SAMD12: variants seen among roughly 807,000 people sequenced by gnomAD.
SAMD12 encodes sterile alpha motif domain-containing protein 12.
A neutral mutation model predicts 15.0 loss-of-function variants in SAMD12; 9 were observed. The ratio of observed to expected loss-of-function variants is 0.60; its 90% CI spans 0.36 to 1.05. The LOEUF is 1.05. Among genes scored for constraint, SAMD12 ranks in the 50% least tolerant of loss-of-function variants. The pLI is 0.01. For missense variants in SAMD12, 230 were observed against 234.2 expected (o/e 0.98, Z 0.12); for synonymous variants, 86 against 90.1 (o/e 0.96, Z 0.25).
chr8:118,324,653 G>C (rs1816475487), intron 4 of SAMD12, among the ~76,000 whole-genome samples: 1 of 152,200 alleles, frequency 6.6e-6, no homozygotes, highest in Non-Finnish European at 1.5e-5. Context: ...TGTGGAGGAA[G>C]TGAGACCTGA....
At chr8:118,263,700 G>T (rs1415355378) in intron 4 of SAMD12, among the ~76,000 whole-genome samples, 1 of 152,078 alleles carries the variant, frequency 6.6e-6, no homozygotes, top group Non-Finnish European at 1.5e-5. Flanking sequence ...CATGAGAGGA[G>T]CCTATGTGAA....
chr8:118,237,014 A>G (rs987116247), intron 4 of SAMD12, among the ~76,000 whole-genome samples: 1 of 152,056 alleles, frequency 6.6e-6, no homozygotes, highest in Non-Finnish European at 1.5e-5. Flanking sequence ...CAGTTCTTTG[A>G]CTTCCTTAAG....
chr8:118,271,738 C>A (rs1469246000), intron 4 of SAMD12, among the ~76,000 whole-genome samples: 5 of 152,200 alleles, frequency 3.3e-5, no homozygotes, highest in African/African-American at 1.2e-4. Context: ...AGTCTGAAAT[C>A]CAATAGGGCA....
chr8:118,564,506 A>G (rs909817008), intron 2 of SAMD12, among the ~76,000 whole-genome samples: 10 of 152,234 alleles, frequency 6.6e-5, no homozygotes, highest in African/African-American at 2.4e-4. Context: ...ATTTAATTTT[A>G]GTTCAGTAGT....
intron 4 of SAMD12, among the ~76,000 whole-genome samples, chr8:118,368,816 C>T (rs1265654842): frequency 6.6e-6 from 1 of 152,198 alleles, no homozygotes; most frequent in East Asian, 1.9e-4. Flanking sequence ...AAAATTAGAA[C>T]ACAACTGAAG....
chr8:118,614,222 C>T (rs924229841), intron 1 of SAMD12, among the ~76,000 whole-genome samples: 15 of 152,188 alleles, frequency 9.9e-5, no homozygotes, highest in Non-Finnish European at 1.6e-4. Flanking sequence ...TAACATCTTA[C>T]TCAGTGTTTA....
At chr8:118,449,537 C>T (rs113108548) in intron 2 of SAMD12, among the ~76,000 whole-genome samples, 3,627 of 151,528 alleles carry the variant, frequency 0.024, 128 homozygotes, top group African/African-American at 0.083. Context: ...ATAGGCCGGG[C>T]GTGGTGGCTC....
intron 1 of SAMD12, among the ~76,000 whole-genome samples, chr8:118,592,575 A>T (rs1298073326): frequency 6.6e-6 from 1 of 152,222 alleles, no homozygotes; most frequent in African/African-American, 2.4e-5. Context: ...GCATATTTAA[A>T]GTGTTTAGTC....
intron 1 of SAMD12, among the ~76,000 whole-genome samples, chr8:118,599,476 G>T (rs1827801859): frequency 6.6e-6 from 1 of 152,104 alleles, no homozygotes; most frequent in African/African-American, 2.4e-5. Context: ...ATTCACTGCT[G>T]GCCTGCCCAG....
At chr8:118,157,990 G>A in the SAMD12 span, among the ~76,000 whole-genome samples, 1 of 152,200 alleles carries the variant, frequency 6.6e-6, no homozygotes, top group African/African-American at 2.4e-5. Flanking sequence ...GAGCAGGAGA[G>A]GGAAGTCAGG....
chr8:118,135,647 A>G, the SAMD12 span, among the ~76,000 whole-genome samples: 2 of 151,828 alleles, frequency 1.3e-5, no homozygotes, highest in Non-Finnish European at 2.9e-5. Flanking sequence ...GGCTCAGGTA[A>G]TCCTCTCACC....
intron 2 of SAMD12, among the ~76,000 whole-genome samples, chr8:118,566,491 C>A (rs757374339): frequency 2.0e-5 from 3 of 152,164 alleles, no homozygotes; most frequent in Non-Finnish European, 4.4e-5. Flanking sequence ...TCTTGCTCAA[C>A]ATAGTTTTTA....
At chr8:118,534,875 G>T (rs777527032) in intron 2 of SAMD12, among the ~76,000 whole-genome samples, 1 of 151,998 alleles carries the variant, frequency 6.6e-6, no homozygotes, top group Non-Finnish European at 1.5e-5. Context: ...TAGCTTCTTT[G>T]TGATGGGTTC....
intron 2 of SAMD12, among the ~76,000 whole-genome samples, chr8:118,447,226 C>G (rs1822940794): frequency 6.6e-6 from 1 of 152,138 alleles, no homozygotes; most frequent in Non-Finnish European, 1.5e-5. Context: ...CATGCCACAC[C>G]TAGATTCCTG....
At chr8:118,274,825 T>C (rs545381585) in intron 4 of SAMD12, among the ~76,000 whole-genome samples, 1 of 152,276 alleles carries the variant, frequency 6.6e-6, no homozygotes, top group East Asian at 1.9e-4. Context: ...GGCCATTTTA[T>C]AAAGACATCA....
the SAMD12 span, among the ~76,000 whole-genome samples, chr8:118,155,432 G>A: frequency 6.6e-6 from 1 of 152,190 alleles, no homozygotes; most frequent in Admixed American, 6.5e-5. Context: ...GTTTTATTCA[G>A]TTATGAGAGG....
intron 4 of SAMD12, among the ~76,000 whole-genome samples, chr8:118,290,922 A>G (rs868224733): frequency 2.6e-5 from 4 of 152,348 alleles, no homozygotes; most frequent in Non-Finnish European, 4.4e-5. Context: ...ATGCCTTTAC[A>G]ACTCTTACAG....
At chr8:118,236,023 C>G (rs1812421265) in intron 4 of SAMD12, among the ~76,000 whole-genome samples, 1 of 152,072 alleles carries the variant, frequency 6.6e-6, no homozygotes, top group African/African-American at 2.4e-5. Context: ...GTAATAGGAC[C>G]CACCTTCTAT....
intron 4 of SAMD12, among the ~76,000 whole-genome samples, chr8:118,273,624 A>G (rs1813414616): frequency 6.6e-6 from 1 of 152,192 alleles, no homozygotes; most frequent in South Asian, 2.1e-4. Flanking sequence ...GAGTGGCCCC[A>G]TGATGAACTC....
Sources: gnomAD v4.1 joint callset for allele counts (sites outside exome capture counted in the v4.1 genomes callset) on GRCh38, gnomAD v4.1.1 for gene constraint, MANE v1.5 for transcripts, NCBI Gene and HGNC (gene_info 2026-07-23, HGNC 2026-07-21) for gene names.